Variants in PCDHGA2 observed in about 807,000 individuals in gnomAD.
PCDHGA2 encodes protocadherin gamma-A2.
A neutral mutation model predicts 59.2 loss-of-function variants in PCDHGA2; 40 were observed. That is an observed-to-expected ratio of 0.68 (90% CI 0.52 to 0.88). PCDHGA2 has a LOEUF of 0.88. PCDHGA2 is among the 40% of genes least tolerant of loss of function. The pLI is 0.00. For missense variants in PCDHGA2, 1,226 were observed against 1,204.0 expected (o/e 1.02, Z -0.27); for synonymous variants, 560 against 526.0 (o/e 1.06, Z -0.89).
At chr5:141,365,680 C>T in intron 1 of PCDHGA2, 1 of 1,613,514 alleles carries the variant, frequency 6.2e-7, no homozygotes, top group Non-Finnish European at 8.5e-7. Flanking sequence ...ACAACCCACC[C>T]AATTTCCCTC....
rs1393235114 is a variant in PCDHGA2, at chr5:141,476,581, G to T, written c.2425-18226G>T. ...CCGTGGCTCCGGGGACGCGCTTTCC[G>T]CTCGAGAGCGCGCACGATCCCGATG... On this transcript the variant is annotated intron_variant, in intron 1 of 3. Transcript: ENST00000394576. This position sits in a 1 kb window ranked among gnomAD's most constrained non-coding sequence, Gnocchi z 7.6. 8.7e-6 allele frequency: 14 copies of T among 1,614,112 alleles called. No homozygotes were observed. The Admixed American group carries it at 2.2e-4, about 25-fold the overall frequency.
chr5:141,453,732 C>T (rs182118864), intron 1 of PCDHGA2, among the ~76,000 whole-genome samples: 9 of 152,332 alleles, frequency 5.9e-5, no homozygotes. Context: ...TTTGTTACTA[C>T]AGCTTAAATA....
At chr5:141,505,336 G>T in intron 2 of PCDHGA2, 57 bp from the exon 3 acceptor site, 2 of 1,611,372 alleles carry the variant, frequency 1.2e-6, no homozygotes, top group Non-Finnish European at 1.7e-6. Context: ...GAGGACAGGA[G>T]GGGCATGAGC....
At position 141,476,513 on chromosome 5, in the gene PCDHGA2, C is replaced by T; in HGVS notation, c.2425-18294C>T. 1 of 1,614,196 alleles carries T rather than the reference C, an allele frequency of 6.2e-7. No individual in the cohort carries two copies. Among genetic ancestry groups the T allele is most frequent in the Non-Finnish European group, 8.5e-7 (1 of 1,180,034 alleles). On this transcript the variant is annotated intron_variant, in intron 1 of 3. Coordinates refer to ENST00000394576, the MANE Select transcript of PCDHGA2 (RefSeq NM_018915.4). The surrounding 1 kb of genome is among the most constrained non-coding windows in gnomAD (Gnocchi z 7.6). ...GATCCAGGACATCAACGACAACAAT[C>T]CTGCTTTCCCTACCCAGGAAATGAA...
chr5:141,385,141 G>A (rs1183220869), intron 1 of PCDHGA2: 30 of 1,614,084 alleles, frequency 1.9e-5, no homozygotes, highest in African/African-American at 6.7e-5. Context: ...CGGGGTGCAG[G>A]CTTTCCTGCA....
chr5:141,459,580 G>C (rs1364413383), intron 1 of PCDHGA2, among the ~76,000 whole-genome samples: 1 of 152,118 alleles, frequency 6.6e-6, no homozygotes, highest in Non-Finnish European at 1.5e-5. Flanking sequence ...GAATTGTTTT[G>C]GGGGTCATAT....
intron 1 of PCDHGA2, chr5:141,395,256 T>G: frequency 6.4e-7 from 1 of 1,554,392 alleles, no homozygotes; most frequent in East Asian, 2.3e-5. Flanking sequence ...AGTTCTTTGC[T>G]TGCTTTTAAT....
At chr5:141,354,048 A>G (rs889128312) in intron 1 of PCDHGA2, among the ~76,000 whole-genome samples, 1 of 152,256 alleles carries the variant, frequency 6.6e-6, no homozygotes, top group African/African-American at 2.4e-5. Flanking sequence ...GGCACATGCA[A>G]TGATAATCCA....
intron 1 of PCDHGA2, chr5:141,385,474 T>C (rs554098554): frequency 2.1e-6 from 3 of 1,436,644 alleles, no homozygotes; most frequent in African/African-American, 1.4e-5. Flanking sequence ...GGTGACACTT[T>C]AATATAGAAC....
rs1757011165 is a variant in PCDHGA2 at position 141,341,010 on chromosome 5, C to T, written c.2039C>T (p.Pro680Leu). 6.2e-7 allele frequency: 1 copy of T among 1,613,976 alleles called. No individual in the cohort carries two copies. ...DILADLGSLE[P>L]SAIPNDSDLT... ...CTGGCCGACCTGGGCAGCCTCGAGC[C>T]CTCCGCCATACCCAACGATTCGGAC... The change falls in exon 1 of 4, where the codon CCC becomes CTC. Residue 680 changes from proline (P) to leucine (L), a missense_variant. Coordinates refer to ENST00000394576, the MANE Select transcript of PCDHGA2 (RefSeq NM_018915.4).
intron 1 of PCDHGA2, chr5:141,415,589 T>C: frequency 1.2e-6 from 2 of 1,614,062 alleles, no homozygotes; most frequent in Non-Finnish European, 1.7e-6. Flanking sequence ...AAGTTTCCTA[T>C]AGAGGATACC....
At position 141,457,403 on chromosome 5, in the gene PCDHGA2, C is replaced by A. The variant is rs550748216; in HGVS notation, c.2425-37404C>A. On this transcript the variant is annotated intron_variant, in intron 1 of 3. Transcript: ENST00000394576. ...GAACTAGCATATTGATTCACATTTT[C>A]ACATTACCCATCCCTTTTTCCCCCC... Among the ~76,000 whole-genome samples, 4 of 152,328 alleles carry A rather than the reference C, an allele frequency of 2.6e-5. No homozygotes were observed. In the East Asian group the frequency reaches 7.7e-4, roughly 29 times the overall value.
rs200900873 is a variant in PCDHGA2 at position 141,510,902 on chromosome 5, G to A, written c.2573-45G>A. On this transcript the variant is annotated intron_variant, in intron 3 of 3. Transcript: ENST00000394576. ...GGGGATATAAGACAGTGACTGTTGAGGACCCTAAGTTTAGCTCCCACCTGA... is the reference window on the plus strand; with the variant it reads ...GGGGATATAAGACAGTGACTGTTGAAGACCCTAAGTTTAGCTCCCACCTGA... The A allele has an allele frequency of 1.5e-3, 2,449 of 1,613,462 alleles. 7 individuals carry two copies. The highest frequency in any genetic ancestry group is 1.9e-3 in the Non-Finnish European group (2,206 of 1,179,758).
Position 141,339,727 on chromosome 5 carries a change from G to C in PCDHGA2, c.756G>C (p.Pro252=). 2 of 1,614,092 alleles carry C rather than the reference G, an allele frequency of 1.2e-6. No homozygotes were observed. The highest frequency in any genetic ancestry group is 2.2e-5 in the South Asian group (2 of 91,086). Residue 252 remains proline, a synonymous_variant, in exon 1 of 4, where the codon CCG becomes CCC. Coordinates refer to ENST00000394576, the MANE Select transcript of PCDHGA2 (RefSeq NM_018915.4). ...AGCCCGAGTACCGCATAAGCATTCCGGAGAATACGCTCGTGGGCACCCGGA... is the reference window on the plus strand; with the variant it reads ...AGCCCGAGTACCGCATAAGCATTCCCGAGAATACGCTCGTGGGCACCCGGA... ...FTQPEYRISI[P]ENTLVGTRIL...
At chr5:141,430,021 T>C (rs2097257368) in intron 1 of PCDHGA2, among the ~76,000 whole-genome samples, 1 of 152,226 alleles carries the variant, frequency 6.6e-6, no homozygotes, top group Admixed American at 6.5e-5. Context: ...TGGGTTCTTG[T>C]TAAGTGTGAT....
chr5:141,454,587 G>A (rs1000852095), intron 1 of PCDHGA2, among the ~76,000 whole-genome samples: 22 of 150,902 alleles, frequency 1.5e-4, no homozygotes, highest in African/African-American at 5.4e-4. Context: ...TGTATTTTTA[G>A]TAGAGACAGG....
intron 1 of PCDHGA2, chr5:141,364,871 G>T (rs775321480): frequency 3.7e-6 from 6 of 1,614,010 alleles, no homozygotes; most frequent in Non-Finnish European, 5.1e-6. Flanking sequence ...CTTCTCTCTG[G>T]ATGTGGTAAG....
At chr5:141,361,215 G>C in intron 1 of PCDHGA2, 1 of 1,613,962 alleles carries the variant, frequency 6.2e-7, no homozygotes. Context: ...CGGAGGATTC[G>C]CCACCAGGAA....
At chr5:141,366,324 C>G in intron 1 of PCDHGA2, 1 of 1,613,838 alleles carries the variant, frequency 6.2e-7, no homozygotes, top group Non-Finnish European at 8.5e-7. Context: ...GTTGCCGTGG[C>G]CGACAGGATC....
Sources: gnomAD v4.1 joint callset for allele counts (sites outside exome capture counted in the v4.1 genomes callset) on GRCh38, gnomAD v4.1.1 for gene constraint, Gnocchi (gnomAD v3.1) non-coding constraint, MANE v1.5 for transcripts, NCBI Gene and HGNC (gene_info 2026-07-23, HGNC 2026-07-21) for gene names.